PDE4D: variants seen among roughly 807,000 people sequenced by gnomAD.
The protein encoded by PDE4D is 3',5'-cyclic-AMP phosphodiesterase 4D.
A neutral mutation model predicts 87.4 loss-of-function variants in PDE4D; 24 were observed. That is an observed-to-expected ratio of 0.27 (90% CI 0.20 to 0.39). The LOEUF is 0.39. Ranked by LOEUF, PDE4D falls within the 10% of genes least tolerant of loss-of-function variation. PDE4D has a pLI of 1.00. For missense variants in PDE4D, 714 were observed against 1,041.0 expected, an observed-to-expected ratio of 0.69 and a Z score of 4.32; for synonymous variants, 384 against 383.2, an observed-to-expected ratio of 1.00 and a Z score of -0.02.
At chr5:59,598,423 C>T (rs1035415687) in intron 1 of PDE4D, among the ~76,000 whole-genome samples, 4 of 152,194 alleles carry the variant, frequency 2.6e-5, no homozygotes, top group African/African-American at 4.8e-5. Flanking sequence ...ATCCTCAGCA[C>T]GTTTTATTGA....
intron 1 of PDE4D, among the ~76,000 whole-genome samples, chr5:60,271,024 T>G (rs946767796): frequency 6.6e-6 from 1 of 152,194 alleles, no homozygotes; most frequent in African/African-American, 2.4e-5. Context: ...AAGTTGATGT[T>G]CTCTTCATTT....
intron 1 of PDE4D, among the ~76,000 whole-genome samples, chr5:59,413,474 A>AAAAAAAAAAAAAAAAAAAAAC (rs1793067727): frequency 6.6e-6 from 1 of 150,542 alleles, no homozygotes; most frequent in African/African-American, 2.5e-5. Flanking sequence ...AAAAAAAAAA[A>AAAAAAAAAAAAAAAAAAAAAC]AAAAAAAGAA....
chr5:59,729,488 A>G (rs1757071051), intron 1 of PDE4D, among the ~76,000 whole-genome samples: 1 of 152,152 alleles, frequency 6.6e-6, no homozygotes. Context: ...TATTTTCAAA[A>G]ATGAGCTCAC....
At chr5:59,380,802 A>T (rs79993005) in intron 1 of PDE4D, among the ~76,000 whole-genome samples, 3 of 151,246 alleles carry the variant, frequency 2.0e-5, no homozygotes, top group Admixed American at 6.6e-5. Flanking sequence ...AGTTTACTTA[A>T]TTTTTTTTTT....
At chr5:59,733,020 T>A (rs576055010) in intron 1 of PDE4D, among the ~76,000 whole-genome samples, 1 of 152,106 alleles carries the variant, frequency 6.6e-6, no homozygotes, top group Admixed American at 6.6e-5. Flanking sequence ...GACAGTGAGC[T>A]AGAAATTGCA....
chr5:59,885,604 T>G (rs1298394177), intron 1 of PDE4D, among the ~76,000 whole-genome samples: 1 of 152,146 alleles, frequency 6.6e-6, no homozygotes, highest in African/African-American at 2.4e-5. Flanking sequence ...TGTGCCTACC[T>G]CCAAATGTAA....
At chr5:59,384,113 C>G (rs1455663844) in intron 1 of PDE4D, among the ~76,000 whole-genome samples, 1 of 151,906 alleles carries the variant, frequency 6.6e-6, no homozygotes, top group African/African-American at 2.4e-5. Flanking sequence ...GCCAAGTTAC[C>G]CAGGCTGGTC....
intron 1 of PDE4D, among the ~76,000 whole-genome samples, chr5:59,302,119 C>A (rs937815466): frequency 6.6e-6 from 1 of 152,122 alleles, no homozygotes; most frequent in Admixed American, 6.5e-5. Flanking sequence ...GGAGAGCATA[C>A]ACACAACTTC....
In PDE4D at chr5:59,667,067, A is replaced by G. The variant is rs544661869; in HGVS notation, c.455+226101T>C. Among the ~76,000 whole-genome samples the G allele has an allele frequency of 2.0e-5, 3 of 152,336 alleles. No individual in the cohort carries two copies. The South Asian group carries it at 6.2e-4, about 32-fold the overall frequency. On this transcript the variant is annotated intron_variant, in intron 1 of 14. Transcript: ENST00000340635. ...ATGTCAAAATGAACAACAAAAACAG[A>G]GTAATTCTATGAAATGGACAATGTG...
At chr5:59,025,512 A>C (rs895267542) in intron 6 of PDE4D, among the ~76,000 whole-genome samples, 39 of 152,288 alleles carry the variant, frequency 2.6e-4, no homozygotes, top group Middle Eastern at 3.4e-3. Flanking sequence ...TTTTTTCCTA[A>C]TTTCCCACTA....
At chr5:60,260,510 T>A (rs1056133000) in intron 1 of PDE4D, among the ~76,000 whole-genome samples, 1 of 152,062 alleles carries the variant, frequency 6.6e-6, no homozygotes, top group African/African-American at 2.4e-5. Flanking sequence ...AAAGTGAATA[T>A]AAGTCAACAA....
chr5:59,794,326 T>C (rs934640963), intron 1 of PDE4D, among the ~76,000 whole-genome samples: 1 of 152,190 alleles, frequency 6.6e-6, no homozygotes, highest in Non-Finnish European at 1.5e-5. Flanking sequence ...GGCAAAACTT[T>C]GTAGGTAGAA....
intron 1 of PDE4D, among the ~76,000 whole-genome samples, chr5:60,217,301 T>G (rs1486471016): frequency 6.6e-6 from 1 of 151,960 alleles, no homozygotes; most frequent in Non-Finnish European, 1.5e-5. Flanking sequence ...AGTTTTGGTT[T>G]TATAAAATAA....
chr5:59,368,000 G>C (rs979524412), intron 1 of PDE4D, among the ~76,000 whole-genome samples: 1 of 152,186 alleles, frequency 6.6e-6, no homozygotes, highest in African/African-American at 2.4e-5. Context: ...AGAGGTTTTC[G>C]TGACTGTACC....
At chr5:59,730,390 ATTTAT>A (rs1470958770) in intron 1 of PDE4D, among the ~76,000 whole-genome samples, 4 of 152,132 alleles carry the variant, frequency 2.6e-5, no homozygotes, top group Non-Finnish European at 5.9e-5. Context: ...GAATGCAGTT[ATTTAT>A]TTTATTAGTA....
intron 5 of PDE4D, among the ~76,000 whole-genome samples, chr5:59,059,086 A>G (rs1425561373): frequency 6.6e-6 from 1 of 152,206 alleles, no homozygotes; most frequent in Non-Finnish European, 1.5e-5. Context: ...AACAATGGCA[A>G]TTCAGCGGGT....
At chr5:60,262,323 C>G (rs1164381950) in intron 1 of PDE4D, 1 of 152,154 alleles carries the variant, frequency 6.6e-6, no homozygotes, top group African/African-American at 2.4e-5. Flanking sequence ...TAAATCAAAA[C>G]ATGAGCAAAA....
chr5:60,153,292 C>T (rs1044863037), intron 2 of PDE4D, among the ~76,000 whole-genome samples: 9 of 152,154 alleles, frequency 5.9e-5, no homozygotes, highest in Non-Finnish European at 1.0e-4. Context: ...CATCACTAAT[C>T]ATCAGGGAAA....
chr5:59,833,347 G>A (rs1158270436), intron 1 of PDE4D, among the ~76,000 whole-genome samples: 1 of 151,950 alleles, frequency 6.6e-6, no homozygotes, highest in Non-Finnish European at 1.5e-5. Context: ...CAAGGAGAGG[G>A]AAGAAAAATT....
Sources: gnomAD v4.1 joint callset for allele counts (sites outside exome capture counted in the v4.1 genomes callset) on GRCh38, gnomAD v4.1.1 for gene constraint, MANE v1.5 for transcripts, NCBI Gene and HGNC (gene_info 2026-07-23, HGNC 2026-07-21) for gene names.